The following TNFRSF19 variants were observed in gnomAD, a reference collection of about 807,000 sequenced individuals.
TNFRSF19 encodes TNF receptor superfamily member 19.
In TNFRSF19, 27 loss-of-function variants were observed where a neutral mutation model predicts 46.4. The observed-to-expected ratio is 0.58, with a 90% CI of 0.43 to 0.80. TNFRSF19 has a LOEUF of 0.80. TNFRSF19 is among the 30% of genes least tolerant of loss of function. The probability of loss-of-function intolerance (pLI) is 0.00; values close to 1 mark genes in which losing one functional copy is unlikely to be tolerated. For missense variants in TNFRSF19, 511 were observed against 530.8 expected, an observed-to-expected ratio of 0.96 and a Z score of 0.37; for synonymous variants, 204 against 205.0, an observed-to-expected ratio of 1.00 and a Z score of 0.04.
At chr13:23,594,454 G>A in intron 3 of TNFRSF19, 1 of 243,116 alleles carries the variant, frequency 4.1e-6, no homozygotes, top group Non-Finnish European at 8.6e-6. Flanking sequence ...TTGAGTAGGT[G>A]GTTTTCCCCT....
rs544875292 is a variant in TNFRSF19, at chr13:23,620,346, C to A, written c.359+4301C>A. Among the ~76,000 whole-genome samples, 5 of 152,324 alleles carry A rather than the reference C, an allele frequency of 3.3e-5. No homozygotes were observed. In the East Asian group the frequency reaches 7.7e-4, roughly 23 times the overall value. ...CCACTCTGCCTCCTGCGGCCTCATT[C>A]TCTAGCAAGAACCTGCTGCTGTCCA... is the stretch of plus-strand genomic sequence containing the variant. On this transcript the variant is annotated intron_variant, in intron 4 of 9. Transcript: ENST00000248484.
intron 9 of TNFRSF19, among the ~76,000 whole-genome samples, chr13:23,670,961 T>G (rs1259168091): frequency 6.6e-6 from 1 of 152,230 alleles, no homozygotes; most frequent in Non-Finnish European, 1.5e-5. Context: ...TTTTGTAGCT[T>G]GTACCCAAGT....
intron 7 of TNFRSF19, among the ~76,000 whole-genome samples, chr13:23,667,457 G>A (rs1363693926): frequency 2.0e-5 from 3 of 152,136 alleles, no homozygotes; most frequent in African/African-American, 4.8e-5. Context: ...GCCACTCAGC[G>A]GGAAAGTTGT....
intron 1 of TNFRSF19, among the ~76,000 whole-genome samples, chr13:23,584,574 C>T (rs73156738): frequency 2.4e-3 from 357 of 149,134 alleles, no homozygotes; most frequent in Non-Finnish European, 3.8e-3. Flanking sequence ...GACTTCTTTT[C>T]TCCTGGGTAG....
At chr13:23,648,549 C>A (rs1575666) in intron 5 of TNFRSF19, among the ~76,000 whole-genome samples, 33,659 of 152,096 alleles carry the variant, frequency 0.22, 4,572 homozygotes, top group Non-Finnish European at 0.31. Flanking sequence ...AGTTTTGCTT[C>A]TTCCTTCCCA....
chr13:23,583,750 C>T (rs1024609438), intron 1 of TNFRSF19, among the ~76,000 whole-genome samples: 1 of 152,166 alleles, frequency 6.6e-6, no homozygotes, highest in Non-Finnish European at 1.5e-5. Context: ...TCCAGACTTC[C>T]TTCTAAAATA....
chr13:23,669,772 G>T (rs572515714), intron 9 of TNFRSF19: 2 of 928,730 alleles, frequency 2.2e-6, no homozygotes, highest in Admixed American at 6.2e-5. Flanking sequence ...GGATAACTGG[G>T]CACGTCTCTG....
chr13:23,604,866 A>G (rs969226108), intron 3 of TNFRSF19, among the ~76,000 whole-genome samples: 2 of 152,196 alleles, frequency 1.3e-5, no homozygotes, highest in Non-Finnish European at 2.9e-5. Flanking sequence ...ATGCAAAGCT[A>G]TAAAACTCCT....
intron 1 of TNFRSF19, among the ~76,000 whole-genome samples, chr13:23,575,203 C>G (rs1037144125): frequency 6.6e-6 from 1 of 152,168 alleles, no homozygotes; most frequent in East Asian, 1.9e-4. Flanking sequence ...CTTCCCTCAT[C>G]GAACTCATGA....
At chr13:23,670,358 G>T (rs1353098947) in intron 9 of TNFRSF19, among the ~76,000 whole-genome samples, 1 of 152,116 alleles carries the variant, frequency 6.6e-6, no homozygotes, top group Admixed American at 6.5e-5. Context: ...AGAACTTTTA[G>T]GGGATTCTAT....
chr13:23,611,136 AC>A (rs1880885608), intron 3 of TNFRSF19, among the ~76,000 whole-genome samples: 1 of 149,560 alleles, frequency 6.7e-6, no homozygotes, highest in South Asian at 2.2e-4. Context: ...GCACACACAC[AC>A]ACACACACAC....
chr13:23,618,570 G>A (rs941490618), intron 4 of TNFRSF19, among the ~76,000 whole-genome samples: 1 of 152,184 alleles, frequency 6.6e-6, no homozygotes, highest in African/African-American at 2.4e-5. Context: ...GGTGGGAACG[G>A]CAAAGGGTAC....
intron 1 of TNFRSF19, chr13:23,585,618 A>G (rs947341965): frequency 6.6e-6 from 1 of 152,238 alleles, no homozygotes; most frequent in African/African-American, 2.4e-5. Context: ...TGTTATCCCT[A>G]GTTAATGAAT....
intron 3 of TNFRSF19, among the ~76,000 whole-genome samples, chr13:23,602,109 C>G (rs1282244942): frequency 1.3e-5 from 2 of 152,124 alleles, no homozygotes; most frequent in African/African-American, 4.8e-5. Flanking sequence ...AGATCCAACT[C>G]TGTGGTCTAC....
At chr13:23,608,666 G>A (rs1226613845) in intron 3 of TNFRSF19, among the ~76,000 whole-genome samples, 3 of 152,164 alleles carry the variant, frequency 2.0e-5, no homozygotes, top group Admixed American at 6.5e-5. Context: ...TAGCCACTGC[G>A]GTTACTGAAC....
rs769171916 is a variant in TNFRSF19 at position 23,673,345 on chromosome 13, A to G, written c.1246-27A>G. Reference sequence around the variant, plus strand: ...ATTTAACTTGTAAGACATTATTTCTAAAGCTTCCTTTCTGTTGCTGTTTTA... The same window carrying G: ...ATTTAACTTGTAAGACATTATTTCTGAAGCTTCCTTTCTGTTGCTGTTTTA... On this transcript the variant is annotated intron_variant, in intron 9 of 9. Coordinates refer to ENST00000248484, the MANE Select transcript of TNFRSF19 (RefSeq NM_148957.4). 31 of 1,590,462 alleles carry G rather than the reference A, an allele frequency of 1.9e-5. No individual in the cohort carries two copies. In the East Asian group the frequency reaches 4.3e-4, roughly 22 times the overall value.
In TNFRSF19 at chr13:23,626,187, CTGTGTGTGTGTGTG is replaced by C. The variant is rs35509472; in HGVS notation, c.360-497_360-484del. ...TTTGCCCTTCAGATTTCTTTAAAATCTGTGTGTGTGTGTGTGTGTGTGTGTGTGTGTGTGTGGTT... is the reference window on the plus strand; with the variant it reads ...TTTGCCCTTCAGATTTCTTTAAAATCTGTGTGTGTGTGTGTGTGTGTGGTT... On this transcript the variant is annotated intron_variant, in intron 4 of 9. Coordinates refer to ENST00000248484, the MANE Select transcript of TNFRSF19 (RefSeq NM_148957.4). 1.2e-3 allele frequency among the ~76,000 whole-genome samples: 171 copies of C among 145,564 alleles called. 2 individuals are homozygous for C. The highest frequency in any genetic ancestry group is 4.1e-3 in the African/African-American group (161 of 39,050).
At chr13:23,574,917 C>T (rs1877859271) in intron 1 of TNFRSF19, among the ~76,000 whole-genome samples, 1 of 152,204 alleles carries the variant, frequency 6.6e-6, no homozygotes, top group Non-Finnish European at 1.5e-5. Context: ...TCCTTTGTGA[C>T]TTAAATTTTC....
In TNFRSF19 at chr13:23,593,437, A is replaced by G. The variant is rs376690464; in HGVS notation, c.162A>G (p.Pro54=). The G allele has an allele frequency of 1.5e-5, 24 of 1,602,608 alleles. No individual in the cohort carries two copies. Among genetic ancestry groups the G allele is most frequent in the Non-Finnish European group, 2.0e-5 (23 of 1,177,040 alleles). The change falls in exon 3 of 10, where the codon CCA becomes CCG. Residue 54 remains proline, a synonymous_variant. Transcript: ENST00000248484. ...GNCVPCNQCG[P]GMELSKECGF... The stretch of plus-strand genomic sequence containing the variant: ...GTGTTCCCTGCAACCAGTGTGGGCC[A>G]GGCATGGAGTTGTCTAAGGTATATT...
Sources: gnomAD v4.1 joint callset for allele counts (sites outside exome capture counted in the v4.1 genomes callset) on GRCh38, gnomAD v4.1.1 for gene constraint, MANE v1.5 for transcripts, NCBI Gene and HGNC (gene_info 2026-07-23, HGNC 2026-07-21) for gene names.